Variants in ZFP92 observed in about 807,000 individuals in gnomAD.
ZFP92 encodes zinc finger protein 92 homolog.
ZFP92 carries 2 observed loss-of-function variants against 7.6 expected under a neutral mutation model. That is an observed-to-expected ratio of 0.26 (90% CI 0.11 to 0.83). The LOEUF (loss-of-function observed/expected upper bound fraction) is 0.83. Ranked by LOEUF, ZFP92 falls within the 40% of genes least tolerant of loss-of-function variation. The pLI, the probability that ZFP92 is intolerant of heterozygous loss-of-function variation, is 0.65. For synonymous variants in ZFP92, 226 were observed against 183.6 expected (o/e 1.23, Z -1.87); for missense variants, 324 against 408.3 (o/e 0.79, Z 1.78).
chrX:153,420,397 CGGGGG>C, intron 5 of ZFP92, 65 bp downstream of exon 5: 1 of 780,286 alleles, frequency 1.3e-6, no homozygotes, highest in Non-Finnish European at 1.8e-6. Flanking sequence ...GCAAAGGGGG[CGGGGG>C]AGGGTACCCT....
rs781931015 is a variant in ZFP92, at chrX:153,421,971, A to G, written c.*343A>G. The G allele has an allele frequency of 8.2e-5, 12 of 145,635 alleles. No homozygotes were observed. Among genetic ancestry groups the G allele is most frequent in the Non-Finnish European group, 1.1e-4 (8 of 75,176 alleles). 12.0% of individuals were successfully genotyped at this position (145,635 alleles called of 1,213,427 possible). On this transcript the variant is annotated 3_prime_UTR_variant, in exon 6 of 6. Coordinates refer to ENST00000338647, the MANE Select transcript of ZFP92 (RefSeq NM_001136273.2). ...CACTCGTCCCTGAGCCACAGGTACT[A>G]TCGAGTGTGCACAGGCGTGCGTGGA...
In ZFP92 at chrX:153,424,962, GT is replaced by G. The variant is rs1247354428; in HGVS notation, c.*3335del. On this transcript the variant is annotated 3_prime_UTR_variant, in exon 6 of 6. Transcript: ENST00000338647. ...CAGAGCTGGGCTTTGGGTGTTCCTT[GT>G]GGGGGTCCCTGTGAAGGTAAGACAG... 8.9e-6 allele frequency: 1 copy of G among 112,713 alleles called. No individual in the cohort carries two copies. The highest frequency in any genetic ancestry group is 3.2e-5 in the African/African-American group (1 of 31,012). The allele number at this position is 112,713 out of a possible 1,213,427, so 9.3% of individuals were successfully genotyped here.
Position 153,420,917 on chromosome X carries a change from C to T in ZFP92, c.540C>T (p.Tyr180=), listed in dbSNP as rs782059401. 3.4e-6 allele frequency: 4 copies of T among 1,188,247 alleles called. No homozygotes were observed. Among genetic ancestry groups the T allele is most frequent in the East Asian group, 3.1e-5 (1 of 32,393 alleles). Residue 180 remains tyrosine (Y), a synonymous_variant, in exon 6 of 6, where the codon TAC becomes TAT. Coordinates refer to ENST00000338647, the MANE Select transcript of ZFP92 (RefSeq NM_001136273.2). ...HRIIHSGEKP[Y]ACPECGKLFR... ...TCATCCACAGTGGCGAGAAGCCTTA[C>T]GCGTGCCCCGAGTGCGGCAAGCTGT...
chrX:153,412,515 G>A (rs1298225495), intron 2 of ZFP92, among the ~76,000 whole-genome samples: 9 of 112,449 alleles, frequency 8.0e-5, no homozygotes, highest in South Asian at 3.7e-4. Context: ...AGTAAGAGCC[G>A]GGGAAGGGAG....
At position 153,420,868 on chromosome X, in the gene ZFP92, G is replaced by A. The variant is rs1267892517; in HGVS notation, c.491G>A (p.Ser164Asn). The stretch of plus-strand genomic sequence containing the variant: ...CAGTGTGGGAAGGCCTTCAGCCGCA[G>A]CTCCAACCTCATCAAGCACCGCATC... ...CQQCGKAFSR[S>N]SNLIKHRIIH... The change falls in exon 6 of 6, where the codon AGC becomes AAC. Residue 164 changes from serine (S) to asparagine (N), a missense_variant. Ser to Asn is a conservative substitution (Grantham distance 46, BLOSUM62 1). Transcript: ENST00000338647. The A allele has an allele frequency of 8.4e-7, 1 of 1,187,361 alleles. No individual in the cohort carries two copies. Among genetic ancestry groups the A allele is most frequent in the African/African-American group, 1.7e-5 (1 of 57,346 alleles).
rs1362726247 is a variant in ZFP92 at position 153,425,013 on chromosome X, C to T, written c.*3385C>T. On this transcript the variant is annotated 3_prime_UTR_variant, in exon 6 of 6. Coordinates refer to ENST00000338647, the MANE Select transcript of ZFP92 (RefSeq NM_001136273.2). ...GAAAGGCATTCTGGGTGAGCTGCCT[C>T]GGGTCAGCCCAGGGGTGCAGGCTCC... 1.8e-5 allele frequency: 2 copies of T among 112,413 alleles called. No homozygotes were observed. The highest frequency in any genetic ancestry group is 9.4e-5 in the Admixed American group (1 of 10,656). The allele number at this position is 112,413 out of a possible 1,213,427, so 9.3% of individuals were successfully genotyped here. A position where few individuals can be genotyped will look rare whatever the true frequency, so the allele number is the denominator to read the frequency against.
At chrX:153,417,977 C>G (rs1287310285) in intron 2 of ZFP92, among the ~76,000 whole-genome samples, 2 of 112,126 alleles carry the variant, frequency 1.8e-5, no homozygotes, top group Non-Finnish European at 3.8e-5. Context: ...CTGGAAACCA[C>G]CAGAAGCCGA....
intron 2 of ZFP92, among the ~76,000 whole-genome samples, chrX:153,413,108 T>C (rs1426834485): frequency 9.0e-6 from 1 of 110,880 alleles, no homozygotes; most frequent in Non-Finnish European, 1.9e-5. Context: ...CTGATGGGGC[T>C]GAGAGAAGCA....
At chrX:153,413,103 G>A (rs1408067109) in intron 2 of ZFP92, among the ~76,000 whole-genome samples, 1 of 110,950 alleles carries the variant, frequency 9.0e-6, no homozygotes, top group Non-Finnish European at 1.9e-5. Flanking sequence ...GAAAGCTGAT[G>A]GGGCTGAGAG....
intron 4 of ZFP92, among the ~76,000 whole-genome samples, chrX:153,419,335 T>C (rs993467623): frequency 7.1e-5 from 8 of 112,527 alleles, no homozygotes; most frequent in Admixed American, 4.7e-4. Context: ...TCCATGCCAG[T>C]GCACACCCAC....
rs1024901949 is a variant in ZFP92, at chrX:153,422,645, C to T, written c.*1017C>T. 2.7e-5 allele frequency: 3 copies of T among 110,909 alleles called. No homozygotes were observed. Among genetic ancestry groups the T allele is most frequent in the African/African-American group, 3.3e-5 (1 of 30,451 alleles). The allele number at this position is 110,909 out of a possible 1,213,427, so 9.1% of individuals were successfully genotyped here. A position where few individuals can be genotyped will look rare whatever the true frequency, so the allele number is the denominator to read the frequency against. On this transcript the variant is annotated 3_prime_UTR_variant, in exon 6 of 6. Transcript: ENST00000338647. ...AGGCAGCCTCTCTTGCGGCTGGTGA[C>T]GATTAGGAGGAAAGCCAGACGGGTT...
intron 2 of ZFP92, among the ~76,000 whole-genome samples, 46 bp downstream of exon 2, chrX:153,412,059 C>T (rs1246997066): frequency 1.8e-5 from 2 of 113,048 alleles, no homozygotes; most frequent in African/African-American, 3.2e-5. Flanking sequence ...GCTGGGCAGA[C>T]TGGCATTGTG....
intron 2 of ZFP92, 21 bp from the exon 3 acceptor site, chrX:153,418,284 G>A: frequency 8.6e-7 from 1 of 1,167,129 alleles, no homozygotes; most frequent in East Asian, 3.3e-5. Context: ...GCTCACAGGG[G>A]GCTCTTTGCA....
At position 153,422,260 on chromosome X, in the gene ZFP92, A is replaced by G. The variant is rs1556975491; in HGVS notation, c.*632A>G. ...GCGCTAAAGTTAGCACAGAGGCAAG[A>G]GGCTCCCTGAATGTTGGCATAGGAT... On this transcript the variant is annotated 3_prime_UTR_variant, in exon 6 of 6. Coordinates refer to ENST00000338647, the MANE Select transcript of ZFP92 (RefSeq NM_001136273.2). The G allele has an allele frequency of 9.0e-6, 1 of 111,485 alleles. No homozygotes were observed. Among genetic ancestry groups the G allele is most frequent in the African/African-American group, 3.3e-5 (1 of 30,689 alleles). The allele number at this position is 111,485 out of a possible 1,213,427, so 9.2% of individuals were successfully genotyped here.
Position 153,420,717 on chromosome X carries a change from C to A in ZFP92, c.340C>A (p.Gln114Lys). ...SGRQLPGADP[Q>K]GGKEGQAARS... ...ACGACAACTCCCCGGGGCCGATCCA[C>A]AAGGTGGCAAGGAGGGGCAGGCGGC... Residue 114 changes from glutamine to lysine, a missense_variant, in exon 6 of 6, where the codon CAA becomes AAA. By Grantham distance (53) the Gln-to-Lys change is moderately conservative (BLOSUM62 1). Coordinates refer to ENST00000338647, the MANE Select transcript of ZFP92 (RefSeq NM_001136273.2). 8.7e-7 allele frequency: 1 copy of A among 1,152,428 alleles called. No individual in the cohort carries two copies. The highest frequency in any genetic ancestry group is 1.2e-6 in the Non-Finnish European group (1 of 863,797). 95.0% of individuals were successfully genotyped at this position (1,152,428 alleles called of 1,213,427 possible).
At position 153,421,809 on chromosome X, in the gene ZFP92, G is replaced by A. The variant is rs2089007739; in HGVS notation, c.*181G>A. 1.8e-6 allele frequency: 1 copy of A among 569,614 alleles called. No homozygotes were observed. Among genetic ancestry groups the A allele is most frequent in the Non-Finnish European group, 2.3e-6 (1 of 436,258 alleles). The allele number at this position is 569,614 out of a possible 1,213,427, so 46.9% of individuals were successfully genotyped here. On this transcript the variant is annotated 3_prime_UTR_variant, in exon 6 of 6. Coordinates refer to ENST00000338647, the MANE Select transcript of ZFP92 (RefSeq NM_001136273.2). Reference sequence around the variant, plus strand: ...GAGCCTCACCCTGAGGCTGAGAAACGCAGGAAGGACTCAGAACCGAGGACT... The same window carrying A: ...GAGCCTCACCCTGAGGCTGAGAAACACAGGAAGGACTCAGAACCGAGGACT...
In ZFP92 at chrX:153,420,923, C is replaced by T; in HGVS notation, c.546C>T (p.Cys182=). ...ACAGTGGCGAGAAGCCTTACGCGTG[C>T]CCCGAGTGCGGCAAGCTGTTTCGCC... The part of the protein sequence containing the change: ...IIHSGEKPYA[C]PECGKLFRRS... The change falls in exon 6 of 6, where the codon TGC becomes TGT. Residue 182 remains cysteine (C), a synonymous_variant. Transcript: ENST00000338647. The T allele has an allele frequency of 8.4e-7, 1 of 1,190,182 alleles. No homozygotes were observed. The highest frequency in any genetic ancestry group is 1.7e-5 in the African/African-American group (1 of 57,406).
intron 5 of ZFP92, 123 bp downstream of exon 5, chrX:153,420,455 C>T (rs782467191): frequency 3.0e-5 from 26 of 877,931 alleles, no homozygotes; most frequent in Non-Finnish European, 4.1e-5. Flanking sequence ...AGATGTCAAT[C>T]TCCAGGTGTC....
rs1283885559 is a variant in ZFP92 at position 153,421,564 on chromosome X, T to G, written c.1187T>G (p.Val396Gly). The change falls in exon 6 of 6, where the codon GTG (valine) becomes GGG (glycine). Residue 396 changes from valine (V) to glycine (G), a missense_variant. By Grantham distance (109) the Val-to-Gly change is moderately radical. Coordinates refer to ENST00000338647, the MANE Select transcript of ZFP92 (RefSeq NM_001136273.2). ...GPGSTGPGSAVAATSPPRPST... is the reference protein window; with the variant it reads ...GPGSTGPGSAGAATSPPRPST... ...GGGAGCACCGGCCCTGGGAGCGCGG[T>G]GGCGGCCACCAGCCCCCCGCGGCCG... 2.2e-5 allele frequency: 24 copies of G among 1,071,932 alleles called. No homozygotes were observed. Among genetic ancestry groups the G allele is most frequent in the Non-Finnish European group, 2.9e-5 (24 of 835,792 alleles). 88.3% of individuals were successfully genotyped at this position (1,071,932 alleles called of 1,213,427 possible).
Sources: gnomAD v4.1 joint callset for allele counts (sites outside exome capture counted in the v4.1 genomes callset) on GRCh38, gnomAD v4.1.1 for gene constraint, MANE v1.5 for transcripts, NCBI Gene and HGNC (gene_info 2026-07-23, HGNC 2026-07-21) for gene names.